Variants in SACS observed in about 807,000 individuals in gnomAD.
SACS encodes the protein sacsin.
In SACS, 197 loss-of-function variants were observed where a neutral mutation model predicts 348.0. That is an observed-to-expected ratio of 0.57 (90% confidence interval 0.50 to 0.64). The LOEUF (loss-of-function observed/expected upper bound fraction) is 0.64, where lower values mean the gene tolerates loss of function less well. SACS is among the 30% of genes least tolerant of loss of function. SACS has a pLI of 0.00. For synonymous variants in SACS, 1,985 were observed against 1,910.6 expected, an observed-to-expected ratio of 1.04 and a Z score of -1.02; for missense variants, 4,999 against 5,360.8, an observed-to-expected ratio of 0.93 and a Z score of 2.11.
chr13:23,359,837 C>A (rs1407771098), intron 6 of SACS, among the ~76,000 whole-genome samples: 2 of 152,162 alleles, frequency 1.3e-5, no homozygotes, highest in African/African-American at 4.8e-5. Context: ...GCACTCCCAG[C>A]ACCCCCAGAA....
Position 23,340,367 on chromosome 13 carries a change from G to C in SACS, c.3509C>G (p.Ser1170Cys). The change falls in exon 10 of 10, where the codon TCT becomes TGT. Residue 1170 changes from serine (S) to cysteine (C), a missense_variant. This residue lies in a region of SACS where 3,156 missense variants were observed against 3,380.1 expected (regional missense o/e 0.93). Coordinates refer to ENST00000382292, the MANE Select transcript of SACS (RefSeq NM_014363.6). ...CKERPPNYPGSLVWKGDLCNL... is the reference protein window; with the variant it reads ...CKERPPNYPGCLVWKGDLCNL... ...ACAGAGATCTCCTTTCCAGACCAAA[G>C]AGCCTGGATAATTTGGAGGCCTTTC... The C allele has an allele frequency of 6.2e-7, 1 of 1,613,992 alleles. No individual in the cohort carries two copies. Among genetic ancestry groups the C allele is most frequent in the Non-Finnish European group, 8.5e-7 (1 of 1,179,982 alleles).
In SACS at chr13:23,329,575, C is replaced by G; in HGVS notation, c.*561G>C. On this transcript the variant is annotated 3_prime_UTR_variant, in exon 10 of 10. Transcript: ENST00000382292. ...AAAGTACTACCTTCACACTCTTAGT[C>G]AAGTAATAGGATTAAAATACTCTAC... is the stretch of plus-strand genomic sequence containing the variant. 1 of 608,934 alleles carries G rather than the reference C, an allele frequency of 1.6e-6. No individual in the cohort carries two copies. Among genetic ancestry groups the G allele is most frequent in the Non-Finnish European group, 2.9e-6 (1 of 345,086 alleles). 37.7% of individuals were successfully genotyped at this position (608,934 alleles called of 1,614,324 possible).
At position 23,363,703 on chromosome 13, in the gene SACS, G is replaced by A. The variant is rs571062249; in HGVS notation, c.457+1463C>T. On this transcript the variant is annotated intron_variant, in intron 6 of 9. Coordinates refer to ENST00000382292, the MANE Select transcript of SACS (RefSeq NM_014363.6). ...CCTTAGCAGTTCCACAGCACATACC[G>A]TCATCAGTATGATACCAGGTATAAA... Among the ~76,000 whole-genome samples the A allele has an allele frequency of 1.2e-4, 18 of 152,222 alleles. 1 individual carries two copies. In the South Asian group the frequency reaches 2.3e-3, roughly 19 times the overall value.
In SACS at chr13:23,335,618, T is replaced by C. The variant is rs777184890; in HGVS notation, c.8258A>G (p.Asp2753Gly). 24 of 1,613,834 alleles carry C rather than the reference T, an allele frequency of 1.5e-5. 1 individual carries two copies. Among genetic ancestry groups the C allele is most frequent in the Middle Eastern group, 3.3e-4 (2 of 6,084 alleles). ...HMEKISICEI[D>G]KSTGALNVLY... ...CACATTTAGAGCTCCAGTACTCTTA[T>C]CTATTTCACAAATAGAAATTTTTTC... is the stretch of plus-strand genomic sequence containing the variant. Residue 2753 changes from aspartate (D) to glycine (G), a missense_variant, in exon 10 of 10, where the codon GAT (aspartate) becomes GGT (glycine). By Grantham distance (94) the Asp-to-Gly change is moderately conservative. This residue lies in a region of SACS where 3,156 missense variants were observed against 3,380.1 expected (regional missense o/e 0.93). Coordinates refer to ENST00000382292, the MANE Select transcript of SACS (RefSeq NM_014363.6). The surrounding 1 kb of genome is among the most constrained non-coding windows in gnomAD (Gnocchi z 4.7).
In SACS at chr13:23,336,328, T is replaced by C. The variant is rs2137599204; in HGVS notation, c.7548A>G (p.Thr2516=). The C allele has an allele frequency of 6.2e-7, 1 of 1,614,122 alleles. No individual in the cohort carries two copies. The highest frequency in any genetic ancestry group is 8.5e-7 in the Non-Finnish European group (1 of 1,179,964). Residue 2516 remains threonine, a synonymous_variant, in exon 10 of 10, where the codon ACA becomes ACG. Transcript: ENST00000382292. ...LERYASNVCF[T]TLGTEFGQKE... ...TCTGCCCAAATTCTGTGCCAAGTGT[T>C]GTAAAACAGACATTGGATGCATATC...
At chr13:23,367,147 T>G (rs1288527141) in intron 5 of SACS, among the ~76,000 whole-genome samples, 1 of 152,244 alleles carries the variant, frequency 6.6e-6, no homozygotes, top group Non-Finnish European at 1.5e-5. Context: ...TTCTATTCAC[T>G]TCTTTCTACC....
chr13:23,346,047 G>C (rs928109608), intron 9 of SACS, among the ~76,000 whole-genome samples: 6 of 152,138 alleles, frequency 3.9e-5, no homozygotes, highest in African/African-American at 1.2e-4. Context: ...ACCAACCGTA[G>C]CACACTGAGC....
Position 23,355,339 on chromosome 13 carries a change from G to T in SACS, c.1273C>A (p.Pro425Thr), listed in dbSNP as rs142024534. Residue 425 changes from proline to threonine, a missense_variant, in exon 8 of 10, where the codon CCT (proline) becomes ACT (threonine). Physicochemically the swap from Pro to Thr is conservative, Grantham distance 38. Transcript: ENST00000382292. The part of the protein sequence containing the change: ...KFVPIIGIAM[P>T]LSSRDDEAKG... ...GCTTCATCATCTCTGCTTGATAAAG[G>T]CATGGCTATTCCAATGATTGGGACA... 4.0e-5 allele frequency: 64 copies of T among 1,613,898 alleles called. No homozygotes were observed. The African/African-American group carries it at 7.3e-4, about 19-fold the overall frequency.
At chr13:23,365,562 A>G (rs893906132) in intron 5 of SACS, among the ~76,000 whole-genome samples, 1 of 152,136 alleles carries the variant, frequency 6.6e-6, no homozygotes, top group African/African-American at 2.4e-5. Flanking sequence ...TAACTGTCTC[A>G]TATTTACAAT....
At chr13:23,433,183 T>C (rs1264184197) in intron 1 of SACS, among the ~76,000 whole-genome samples, 3 of 152,178 alleles carry the variant, frequency 2.0e-5, no homozygotes, top group Non-Finnish European at 4.4e-5. Flanking sequence ...CATCTTATTG[T>C]TCAATAAGAC....
intron 2 of SACS, among the ~76,000 whole-genome samples, chr13:23,387,394 G>A (rs1000480907): frequency 9.3e-5 from 14 of 151,146 alleles, no homozygotes; most frequent in Non-Finnish European, 1.9e-4. Flanking sequence ...CCCGGGAGGC[G>A]GAGCTTGCAG....
At chr13:23,423,679 C>A (rs886870216) in intron 1 of SACS, among the ~76,000 whole-genome samples, 1 of 152,134 alleles carries the variant, frequency 6.6e-6, no homozygotes, top group Non-Finnish European at 1.5e-5. Context: ...TTTCATTAAA[C>A]AAGTTCCAAA....
In SACS at chr13:23,330,824, A is replaced by C; in HGVS notation, c.13052T>G (p.Val4351Gly). The C allele has an allele frequency of 6.2e-7, 1 of 1,613,978 alleles. No homozygotes were observed. Among genetic ancestry groups the C allele is most frequent in the Non-Finnish European group, 8.5e-7 (1 of 1,179,986 alleles). Residue 4351 changes from valine to glycine, a missense_variant, in exon 10 of 10, where the codon GTT becomes GGT. Coordinates refer to ENST00000382292, the MANE Select transcript of SACS (RefSeq NM_014363.6). ...GATTTCATTCTGCAAATGTTTAAAAACTTCATTGGCAATGTCATGGTTCTC... is the reference window on the plus strand; with the variant it reads ...GATTTCATTCTGCAAATGTTTAAAACCTTCATTGGCAATGTCATGGTTCTC... ...NPENHDIANE[V>G]FKHLQNEINR...
chr13:23,399,017 C>A, intron 2 of SACS, among the ~76,000 whole-genome samples: 1 of 20,814 alleles, frequency 4.8e-5, no homozygotes, highest in Admixed American at 6.4e-4. Context: ...GAGACTCCAT[C>A]TCAAAAAAAA....
At position 23,330,473 on chromosome 13, in the gene SACS, T is replaced by C. The variant is rs749995368; in HGVS notation, c.13403A>G (p.Asn4468Ser). The change falls in exon 10 of 10, where the codon AAT becomes AGT. Residue 4468 changes from asparagine to serine, a missense_variant. By Grantham distance (46) the Asn-to-Ser change is conservative. This residue lies in a region of SACS where 254 missense variants were observed against 275.1 expected (regional missense o/e 0.92). Transcript: ENST00000382292. ...FSAARNDLHK[N>S]ANEWVCFKCY... ...TTTAAAGCACACCCACTCATTGGCA[T>C]TTTTATGAAGGTCATTCCTGGCAGC... 6.8e-6 allele frequency: 11 copies of C among 1,614,106 alleles called. No homozygotes were observed. Among genetic ancestry groups the C allele is most frequent in the African/African-American group, 2.7e-5 (2 of 74,944 alleles).
At chr13:23,405,000 A>T (rs999622993) in intron 2 of SACS, among the ~76,000 whole-genome samples, 1 of 152,204 alleles carries the variant, frequency 6.6e-6, no homozygotes, top group Non-Finnish European at 1.5e-5. Context: ...TAATTTATAG[A>T]TTCAATGCTG....
In SACS at chr13:23,411,213, C is replaced by T. The variant is rs1230387351; in HGVS notation, c.20+7G>A. 6.2e-7 allele frequency: 1 copy of T among 1,603,550 alleles called. No individual in the cohort carries two copies. Among genetic ancestry groups the T allele is most frequent in the Non-Finnish European group, 8.5e-7 (1 of 1,170,630 alleles). The stretch of plus-strand genomic sequence containing the variant: ...ATTATTGTCATTTAAAACATTAACT[C>T]ATTTACCTGTTCTCCTTGGTCTCCA... On this transcript the variant is annotated splice_region_variant and intron_variant, in intron 2 of 9. Coordinates refer to ENST00000382292, the MANE Select transcript of SACS (RefSeq NM_014363.6).
intron 1 of SACS, among the ~76,000 whole-genome samples, chr13:23,429,950 G>A (rs1874368633): frequency 6.6e-6 from 1 of 152,024 alleles, no homozygotes; most frequent in Admixed American, 6.6e-5. Flanking sequence ...GCTCACGCCT[G>A]TAATCCCAGC....
At chr13:23,425,350 T>A (rs1342478887) in intron 1 of SACS, among the ~76,000 whole-genome samples, 1 of 152,010 alleles carries the variant, frequency 6.6e-6, no homozygotes, top group East Asian at 1.9e-4. Context: ...AACCTGGGCA[T>A]CCACCAGGGG....
Sources: allele counts gnomAD v4.1 joint callset (sites outside exome capture counted in the v4.1 genomes callset), GRCh38; gene constraint gnomAD v4.1.1; regional missense constraint gnomAD v4.1.1; non-coding constraint Gnocchi (gnomAD v3.1); transcripts MANE v1.5; gene names NCBI Gene and HGNC (gene_info 2026-07-23, HGNC 2026-07-21).